Variants in EIF2AK3 observed in about 807,000 individuals in gnomAD.
EIF2AK3 encodes the protein eukaryotic translation initiation factor 2 alpha kinase 3, also known as eukaryotic translation initiation factor 2-alpha kinase 3.
A neutral mutation model predicts 113.5 loss-of-function variants in EIF2AK3; 50 were observed. The observed-to-expected ratio is 0.44, with a 90% CI of 0.35 to 0.56. The LOEUF (loss-of-function observed/expected upper bound fraction) is 0.56, where lower values mean the gene tolerates loss of function less well. Among genes scored for constraint, EIF2AK3 ranks in the 20% least tolerant of loss-of-function variants. The pLI, the probability that EIF2AK3 is intolerant of heterozygous loss-of-function variation, is 0.00. For missense variants in EIF2AK3, 1,185 were observed against 1,378.0 expected, an observed-to-expected ratio of 0.86 and a Z score of 2.22; for synonymous variants, 448 against 495.4, an observed-to-expected ratio of 0.90 and a Z score of 1.27.
intron 8 of EIF2AK3, 76 bp downstream of exon 8, chr2:88,587,906 T>C (rs754863644): frequency 2.0e-5 from 21 of 1,035,040 alleles, no homozygotes; most frequent in Non-Finnish European, 2.8e-5. Context: ...TATACTCTAA[T>C]CGACTTTTCT....
intron 1 of EIF2AK3, among the ~76,000 whole-genome samples, chr2:88,619,531 G>A (rs1675667249): frequency 6.6e-6 from 1 of 152,232 alleles, no homozygotes; most frequent in Admixed American, 6.5e-5. Context: ...ATCTATTCCT[G>A]CCACTTAAAA....
chr2:88,591,867 T>G (rs1674895734), intron 4 of EIF2AK3, among the ~76,000 whole-genome samples: 1 of 152,166 alleles, frequency 6.6e-6, no homozygotes. Context: ...CTATGGTGGC[T>G]GAGCTCCCAG....
chr2:88,582,059 T>C (rs1401209764), intron 10 of EIF2AK3, among the ~76,000 whole-genome samples: 1 of 152,294 alleles, frequency 6.6e-6, no homozygotes, highest in East Asian at 1.9e-4. Flanking sequence ...CACCTAGTGA[T>C]CCACTGGCAA....
In EIF2AK3 at chr2:88,627,347, C is replaced by A; in HGVS notation, c.-73G>T. 1 of 1,403,990 alleles carries A rather than the reference C, an allele frequency of 7.1e-7. No homozygotes were observed. The highest frequency in any genetic ancestry group is 9.3e-7 in the Non-Finnish European group (1 of 1,077,294). 87.0% of individuals were successfully genotyped at this position (1,403,990 alleles called of 1,614,324 possible). ...TGCCTCTCCCGCCGCTTGGAGCTCC[C>A]AAGAAGGCAAGGACGTGCTAGGGAC... is the stretch of plus-strand genomic sequence containing the variant. On this transcript the variant is annotated 5_prime_UTR_variant, in exon 1 of 17. Transcript: ENST00000303236.
In EIF2AK3 at chr2:88,606,626, AAAGT is replaced by A. The variant is rs1270989319; in HGVS notation, c.438+7094_438+7097del. On this transcript the variant is annotated intron_variant, in intron 2 of 16. Transcript: ENST00000303236. ...AAAACAACTTGGACAGCTTTCAGTAAAAGTAAGAGAAGCTTTAAAAGAGATTACA... is the reference window on the plus strand; with the variant it reads ...AAAACAACTTGGACAGCTTTCAGTAAAAGAGAAGCTTTAAAAGAGATTACA... Among the ~76,000 whole-genome samples the A allele has an allele frequency of 1.6e-4, 24 of 152,246 alleles. 1 individual carries two copies. Among genetic ancestry groups the A allele is most frequent in the Admixed American group, 1.2e-3 (19 of 15,288 alleles).
intron 14 of EIF2AK3, among the ~76,000 whole-genome samples, chr2:88,565,311 C>T (rs1234174960): frequency 6.7e-6 from 1 of 149,856 alleles, no homozygotes; most frequent in East Asian, 2.0e-4. Context: ...GCTGGGATTA[C>T]AGGTGTCAGC....
chr2:88,592,940 G>T (rs2104441788), intron 4 of EIF2AK3, among the ~76,000 whole-genome samples: 1 of 152,020 alleles, frequency 6.6e-6, no homozygotes, highest in African/African-American at 2.4e-5. Flanking sequence ...TCGGGAGTTG[G>T]ACACCAGCCT....
intron 2 of EIF2AK3, among the ~76,000 whole-genome samples, chr2:88,609,059 T>C (rs183251086): frequency 1.0e-3 from 151 of 151,652 alleles, no homozygotes; most frequent in East Asian, 7.6e-3. Context: ...TGGTGTTTTG[T>C]CCAACTTTTT....
In EIF2AK3 at chr2:88,562,464, C is replaced by T. The variant is rs1673991511; in HGVS notation, c.2986-74G>A. On this transcript the variant is annotated intron_variant, in intron 14 of 16. Transcript: ENST00000303236. ...AGTTGATATTACAGCATTATTGAAT[C>T]CCAAAGTTTACTTAGTCACTTCTTG... 7 of 1,248,528 alleles carry T rather than the reference C, an allele frequency of 5.6e-6. No individual in the cohort carries two copies. The Admixed American group carries it at 1.2e-4, about 22-fold the overall frequency. 77.3% of individuals were successfully genotyped at this position (1,248,528 alleles called of 1,614,324 possible).
Position 88,620,904 on chromosome 2 carries a change from CTAAA to C in EIF2AK3, c.308+6059_308+6062del, listed in dbSNP as rs1675703850. Among the ~76,000 whole-genome samples, 3 of 152,294 alleles carry C rather than the reference CTAAA, an allele frequency of 2.0e-5. No individual in the cohort carries two copies. In the South Asian group the frequency reaches 6.2e-4, roughly 32 times the overall value. On this transcript the variant is annotated intron_variant, in intron 1 of 16. Transcript: ENST00000303236. ...TAGCAGTACCTGGGCCCCAGTAAAACTAAATAAATGTTTGTTGAATGAATAAACC... is the reference window on the plus strand; with the variant it reads ...TAGCAGTACCTGGGCCCCAGTAAAACTAAATGTTTGTTGAATGAATAAACC...
At chr2:88,558,049 A>C in intron 16 of EIF2AK3, 113 bp from the exon 17 acceptor site, 1 of 1,126,736 alleles carries the variant, frequency 8.9e-7, no homozygotes, top group Non-Finnish European at 1.3e-6. Context: ...TTTGAGCCAT[A>C]TTCGAGTTTT....
chr2:88,606,410 CTAAGGGATTAATATAACAAAAT>C (rs1675279351), intron 2 of EIF2AK3, among the ~76,000 whole-genome samples: 1 of 152,012 alleles, frequency 6.6e-6, no homozygotes, highest in African/African-American at 2.4e-5. Flanking sequence ...TTCAGCCATG[CTAAGGGATTAATATAACAAAAT>C]TAAATTAAAG....
intron 10 of EIF2AK3, 30 bp from the exon 11 acceptor site, chr2:88,579,670 T>C (rs1375992762): frequency 1.2e-6 from 2 of 1,603,292 alleles, no homozygotes; most frequent in East Asian, 4.5e-5. Context: ...TTATAAAGGT[T>C]TGCAACAGTT....
intron 4 of EIF2AK3, among the ~76,000 whole-genome samples, chr2:88,591,420 A>T (rs554431288): frequency 6.8e-4 from 103 of 152,324 alleles, no homozygotes; most frequent in Middle Eastern, 3.4e-3. Flanking sequence ...CTTACCTCTT[A>T]ATTAAAGGCA....
chr2:88,613,705 G>A lies in EIF2AK3; in HGVS notation c.438+19C>T, dbSNP rs2104470074. ...TTAGAATTAAGTTTTCTAGTCAACA[G>A]TTAACAGAAAATTCTTACCTCTGGT... On this transcript the variant is annotated intron_variant, in intron 2 of 16. Coordinates refer to ENST00000303236, the MANE Select transcript of EIF2AK3 (RefSeq NM_004836.7). 6.2e-7 allele frequency: 1 copy of A among 1,613,854 alleles called. No individual in the cohort carries two copies. Among genetic ancestry groups the A allele is most frequent in the Non-Finnish European group, 8.5e-7 (1 of 1,179,846 alleles).
chr2:88,599,405 G>C (rs146346376), intron 2 of EIF2AK3, among the ~76,000 whole-genome samples: 236 of 151,872 alleles, frequency 1.6e-3, no homozygotes, highest in Admixed American at 3.2e-3. Context: ...ACTTGAAGTT[G>C]CCATTAGAAC....
Position 88,627,162 on chromosome 2 carries a change from G to A in EIF2AK3, c.113C>T (p.Ala38Val), listed in dbSNP as rs1388434655. ...GCCGAACGCCGCCTCCGCCGTCGGC[G>A]CTGGGAGGCCACGGGCGCGCCCCGC... The part of the protein sequence containing the change: ...VAAGRARGLP[A>V]PTAEAAFGLG... Residue 38 changes from alanine to valine, a missense_variant, in exon 1 of 17, where the codon GCG becomes GTG. Coordinates refer to ENST00000303236, the MANE Select transcript of EIF2AK3 (RefSeq NM_004836.7). 5 of 1,441,274 alleles carry A rather than the reference G, an allele frequency of 3.5e-6. No homozygotes were observed. The highest frequency in any genetic ancestry group is 3.0e-5 in the East Asian group (1 of 33,146). 89.3% of individuals were successfully genotyped at this position (1,441,274 alleles called of 1,614,324 possible). A position where few individuals can be genotyped will look rare whatever the true frequency, so the allele number is the denominator to read the frequency against.
intron 14 of EIF2AK3, among the ~76,000 whole-genome samples, chr2:88,566,141 T>C (rs931293951): frequency 1.3e-5 from 2 of 152,220 alleles, no homozygotes; most frequent in African/African-American, 2.4e-5. Context: ...TCAATTCTTA[T>C]GTTTGTTTTC....
chr2:88,599,977 T>A (rs552700645), intron 2 of EIF2AK3, among the ~76,000 whole-genome samples: 1 of 152,196 alleles, frequency 6.6e-6, no homozygotes, highest in African/African-American at 2.4e-5. Flanking sequence ...TCATTGACCA[T>A]ACTGAGAAAA....
Sources: gnomAD v4.1 joint callset for allele counts (sites outside exome capture counted in the v4.1 genomes callset) on GRCh38, gnomAD v4.1.1 for gene constraint, MANE v1.5 for transcripts, NCBI Gene and HGNC (gene_info 2026-07-23, HGNC 2026-07-21) for gene names.